TXNRD1: variants seen among roughly 807,000 people sequenced by gnomAD.
The protein encoded by TXNRD1 is thioredoxin reductase 1, also known as thioredoxin reductase 1, cytoplasmic.
A neutral mutation model predicts 80.3 loss-of-function variants in TXNRD1; 57 were observed. That is an observed-to-expected ratio of 0.71 (90% CI 0.57 to 0.89). The LOEUF is 0.89. Ranked by LOEUF, TXNRD1 falls within the 40% of genes least tolerant of loss-of-function variation. The pLI, the probability that TXNRD1 is intolerant of heterozygous loss-of-function variation, is 0.00. For synonymous variants in TXNRD1, 291 were observed against 285.2 expected (o/e 1.02, Z -0.20); for missense variants, 730 against 803.0 (o/e 0.91, Z 1.10).
Position 104,242,938 on chromosome 12 carries a change from A to G in TXNRD1, c.92-8589A>G, listed in dbSNP as rs185365152. On this transcript the variant is annotated intron_variant, in intron 1 of 16. Transcript: ENST00000525566. ...CACTGAATCCTGGACCTGGCATATA[A>G]TCATATTAGAATACAACTGTGGAGT... 3.3e-5 allele frequency among the ~76,000 whole-genome samples: 5 copies of G among 152,272 alleles called. No homozygotes were observed. The East Asian group carries it at 9.7e-4, about 29-fold the overall frequency.
rs2033929934 is a variant in TXNRD1, at chr12:104,284,127, AGGGATACGTGTGAAATG to A, written c.305-4802_305-4786del. 3 of 152,360 alleles carry A rather than the reference AGGGATACGTGTGAAATG, an allele frequency of 2.0e-5. No homozygotes were observed. In the South Asian group the frequency reaches 6.2e-4, roughly 32 times the overall value. 9.4% of individuals were successfully genotyped at this position (152,360 alleles called of 1,614,324 possible). A position where few individuals can be genotyped will look rare whatever the true frequency, so the allele number is the denominator to read the frequency against. On this transcript the variant is annotated intron_variant, in intron 3 of 16. Coordinates refer to ENST00000525566, the MANE Select transcript of TXNRD1 (RefSeq NM_001093771.3). ...AGGGGCATTAGAAGTTTGAGGAAAG[AGGGATACGTGTGAAATG>A]GTCATTTTGGATCCTGAGAAAACAA...
chr12:104,252,116 G>A (rs1373880786), intron 2 of TXNRD1, among the ~76,000 whole-genome samples: 1 of 151,214 alleles, frequency 6.6e-6, no homozygotes, highest in African/African-American at 2.4e-5. Flanking sequence ...TTGCTTCAGA[G>A]TAATTGTAAA....
chr12:104,265,600 C>T, intron 3 of TXNRD1: 12 of 1,607,520 alleles, frequency 7.5e-6, no homozygotes, highest in Non-Finnish European at 1.0e-5. Context: ...CCGGGAATAC[C>T]GGGACCTGAC....
intron 3 of TXNRD1, among the ~76,000 whole-genome samples, chr12:104,283,810 C>A (rs1593748715): frequency 6.6e-6 from 1 of 152,016 alleles, no homozygotes; most frequent in East Asian, 2.0e-4. Flanking sequence ...GCGGAGGCTG[C>A]GGTGAGCCGA....
chr12:104,327,364 C>T, intron 12 of TXNRD1, 151 bp from the exon 13 acceptor site: 1 of 650,962 alleles, frequency 1.5e-6, no homozygotes. Flanking sequence ...GATTTTTGTT[C>T]CTTTGAGCTG....
At chr12:104,313,457 T>A in intron 6 of TXNRD1, 140 bp downstream of exon 6, 1 of 627,156 alleles carries the variant, frequency 1.6e-6, no homozygotes, top group South Asian at 2.5e-5. Flanking sequence ...ATATATCTTT[T>A]ATTTGAGCCA....
At chr12:104,316,948 T>C (rs571963117) in intron 7 of TXNRD1, among the ~76,000 whole-genome samples, 1 of 152,266 alleles carries the variant, frequency 6.6e-6, no homozygotes, top group East Asian at 1.9e-4. Flanking sequence ...GGCATAAATG[T>C]ATACTTGGAA....
chr12:104,267,639 G>A (rs1471187213), intron 3 of TXNRD1, among the ~76,000 whole-genome samples: 4 of 118,986 alleles, frequency 3.4e-5, no homozygotes, highest in African/African-American at 1.2e-4. Flanking sequence ...GTTCCTAGAT[G>A]TGATGGTATC....
chr12:104,304,430 G>C, intron 4 of TXNRD1: 1 of 1,614,020 alleles, frequency 6.2e-7, no homozygotes, highest in Non-Finnish European at 8.5e-7. Context: ...GGTAAAAGCT[G>C]AGACATTCCA....
At chr12:104,222,856 A>C (rs1277249517) in intron 1 of TXNRD1, among the ~76,000 whole-genome samples, 1 of 152,192 alleles carries the variant, frequency 6.6e-6, no homozygotes, top group Non-Finnish European at 1.5e-5. Context: ...GTCTCAAAAA[A>C]CAAACAAACA....
At chr12:104,270,363 A>C (rs1035103506) in intron 3 of TXNRD1, among the ~76,000 whole-genome samples, 3 of 152,236 alleles carry the variant, frequency 2.0e-5, no homozygotes, top group African/African-American at 7.2e-5. Flanking sequence ...GTTAGTAGTC[A>C]TGAAAACAAC....
At chr12:104,233,007 AAAGG>A (rs2032658364) in intron 1 of TXNRD1, among the ~76,000 whole-genome samples, 1 of 152,240 alleles carries the variant, frequency 6.6e-6, no homozygotes, top group Non-Finnish European at 1.5e-5. Context: ...AATGGAGAAC[AAAGG>A]AAGGAAGGGG....
intron 4 of TXNRD1, chr12:104,304,551 A>C: frequency 3.7e-6 from 6 of 1,614,064 alleles, no homozygotes; most frequent in Non-Finnish European, 5.1e-6. Flanking sequence ...ACAAAGTTGC[A>C]GAAGTTGGAC....
chr12:104,320,800 C>G (rs1215956661), intron 9 of TXNRD1, among the ~76,000 whole-genome samples: 1 of 152,082 alleles, frequency 6.6e-6, no homozygotes, highest in African/African-American at 2.4e-5. Flanking sequence ...CCAAACAGTT[C>G]AAAATCATTT....
intron 4 of TXNRD1, chr12:104,309,998 C>A (rs1011543513): frequency 1.3e-6 from 2 of 1,536,260 alleles, no homozygotes; most frequent in Non-Finnish European, 1.7e-6. Flanking sequence ...CACCGCACCC[C>A]CTTCCACATC....
At chr12:104,323,810 A>ACCC (rs138772043) in intron 10 of TXNRD1, among the ~76,000 whole-genome samples, 6 of 121,634 alleles carry the variant, frequency 4.9e-5, no homozygotes, top group Admixed American at 7.8e-5. Context: ...GGGGGGGCTG[A>ACCC]CCCCCCCCCA....
chr12:104,335,684 C>G (rs2036114565), intron 15 of TXNRD1, among the ~76,000 whole-genome samples: 1 of 152,088 alleles, frequency 6.6e-6, no homozygotes, highest in Non-Finnish European at 1.5e-5. Context: ...CTTAAGAAAA[C>G]TGATCTTTTT....
intron 1 of TXNRD1, chr12:104,224,809 A>G (rs2032437291): frequency 6.6e-6 from 3 of 456,004 alleles, no homozygotes; most frequent in Non-Finnish European, 1.3e-5. Context: ...CTGTTTGATC[A>G]ACCCAGGAAT....
At position 104,319,044 on chromosome 12, in the gene TXNRD1, C is replaced by T; in HGVS notation, c.862C>T (p.His288Tyr). The T allele has an allele frequency of 6.2e-7, 1 of 1,612,444 alleles. No homozygotes were observed. Among genetic ancestry groups the T allele is most frequent in the East Asian group, 2.2e-5 (1 of 44,872 alleles). ...ENAYGQFIGP[H>Y]RIKATNNKGK... is the part of the protein sequence containing the mutation. The stretch of plus-strand genomic sequence containing the variant: ...TGCTTATGGGCAATTTATTGGTCCT[C>T]ACAGGATTAAGGTAATTGTGTGACA... The change falls in exon 8 of 17, where the codon CAC becomes TAC. Residue 288 changes from histidine (H) to tyrosine (Y), a missense_variant. Transcript: ENST00000525566.
Sources: allele counts gnomAD v4.1 joint callset (sites outside exome capture counted in the v4.1 genomes callset), GRCh38; gene constraint gnomAD v4.1.1; transcripts MANE v1.5; gene names NCBI Gene and HGNC (gene_info 2026-07-23, HGNC 2026-07-21).